The following TMEM98 variants were observed in gnomAD, a reference collection of about 807,000 sequenced individuals.
TMEM98 encodes the protein transmembrane protein 98.
TMEM98 carries 18 observed loss-of-function variants against 25.0 expected under a neutral mutation model. That is an observed-to-expected ratio of 0.72 (90% confidence interval 0.50 to 1.07). The LOEUF is 1.07. TMEM98 is among the 50% of genes least tolerant of loss of function. TMEM98 has a pLI of 0.00. For synonymous variants in TMEM98, 103 were observed against 112.4 expected (o/e 0.92, Z 0.53); for missense variants, 241 against 289.0 (o/e 0.83, Z 1.20).
chr17:32,942,299 T>G lies in TMEM98; in HGVS notation c.*1306T>G, dbSNP rs1374439925. 2 of 152,252 alleles carry G rather than the reference T, an allele frequency of 1.3e-5. No individual in the cohort carries two copies. The highest frequency in any genetic ancestry group is 4.8e-5 in the African/African-American group (2 of 41,476). The allele number at this position is 152,252 out of a possible 1,614,324, so 9.4% of individuals were successfully genotyped here. ...CTGTCATAAGCCTGTAGGAAAAGCTTGAATTCTTCACTTCTCAGATTCTCA... is the reference window on the plus strand; with the variant it reads ...CTGTCATAAGCCTGTAGGAAAAGCTGGAATTCTTCACTTCTCAGATTCTCA... On this transcript the variant is annotated 3_prime_UTR_variant, in exon 8 of 8. Coordinates refer to ENST00000579849, the MANE Select transcript of TMEM98 (RefSeq NM_015544.3).
intron 5 of TMEM98, 25 bp from the exon 6 acceptor site, chr17:32,936,307 A>G (rs1342063164): frequency 1.2e-6 from 2 of 1,602,638 alleles, no homozygotes; most frequent in Admixed American, 3.3e-5. Context: ...GTCAGCCCTC[A>G]TCTCTCTCCT....
chr17:32,940,752 A>G, intron 7 of TMEM98, 34 bp from the exon 8 acceptor site: 2 of 1,595,450 alleles, frequency 1.3e-6, no homozygotes, highest in Non-Finnish European at 8.5e-7. Flanking sequence ...CTCATTTCCT[A>G]GGAAACCTGA....
intron 5 of TMEM98, among the ~76,000 whole-genome samples, chr17:32,935,333 A>G (rs1199164955): frequency 6.6e-6 from 1 of 152,176 alleles, no homozygotes; most frequent in Non-Finnish European, 1.5e-5. Context: ...ATAATACTAT[A>G]CTACATTTCC....
chr17:32,934,222 C>G (rs779687814), intron 4 of TMEM98, 69 bp from the exon 5 acceptor site: 7 of 1,581,274 alleles, frequency 4.4e-6, no homozygotes, highest in Non-Finnish European at 6.1e-6. Context: ...AGTTGAGAAG[C>G]AAGGGTGGGA....
chr17:32,934,837 A>G (rs1030011584), intron 5 of TMEM98, among the ~76,000 whole-genome samples: 3 of 152,222 alleles, frequency 2.0e-5, no homozygotes, highest in African/African-American at 7.2e-5. Context: ...GCATACTTCA[A>G]TCTGAAGGCA....
chr17:32,943,134 G>C lies in TMEM98; in HGVS notation c.*2141G>C, dbSNP rs1006766089. On this transcript the variant is annotated 3_prime_UTR_variant, in exon 8 of 8. Coordinates refer to ENST00000579849, the MANE Select transcript of TMEM98 (RefSeq NM_015544.3). Reference sequence around the variant, plus strand: ...TGGCTTTCTGGATCCCTTAGATGCTGCCCTTTCTGTTGTGAGGAGAGGTTG... The same window carrying C: ...TGGCTTTCTGGATCCCTTAGATGCTCCCCTTTCTGTTGTGAGGAGAGGTTG... 1 of 152,354 alleles carries C rather than the reference G, an allele frequency of 6.6e-6. No individual in the cohort carries two copies. Among genetic ancestry groups the C allele is most frequent in the Non-Finnish European group, 1.5e-5 (1 of 68,178 alleles). The allele number at this position is 152,354 out of a possible 1,614,324, so 9.4% of individuals were successfully genotyped here.
At chr17:32,938,427 C>G (rs2091509468) in intron 6 of TMEM98, among the ~76,000 whole-genome samples, 4 of 152,164 alleles carry the variant, frequency 2.6e-5, no homozygotes, top group Admixed American at 2.6e-4. Context: ...TTGAGGCCAT[C>G]TTTTTTTCAA....
chr17:32,939,102 TAAAGATAG>T (rs1427744138), intron 6 of TMEM98, among the ~76,000 whole-genome samples: 1 of 151,982 alleles, frequency 6.6e-6, no homozygotes, highest in Non-Finnish European at 1.5e-5. Context: ...AGAACTGGAA[TAAAGATAG>T]AAAGGAAGGA....
chr17:32,940,946 G>A lies in TMEM98; in HGVS notation c.634G>A (p.Gly212Ser). 1.2e-6 allele frequency: 2 copies of A among 1,613,698 alleles called. No individual in the cohort carries two copies. The highest frequency in any genetic ancestry group is 2.2e-5 in the South Asian group (2 of 91,046). ...AGCCCTAGCTTCTGAGCCAGATAAA[G>A]GCCTCCCAGGCCCTGAAGGCTTCCT... is the stretch of plus-strand genomic sequence containing the variant. The part of the protein sequence containing the change: ...EAALASEPDK[G>S]LPGPEGFLQE... Residue 212 changes from glycine to serine, a missense_variant, in exon 8 of 8, where the codon GGC (glycine) becomes AGC (serine). Gly to Ser is a moderately conservative substitution (Grantham distance 56). Transcript: ENST00000579849.
chr17:32,938,753 C>T (rs964556697), intron 6 of TMEM98, among the ~76,000 whole-genome samples: 1 of 152,168 alleles, frequency 6.6e-6, no homozygotes, highest in Non-Finnish European at 1.5e-5. Flanking sequence ...TACTCCCTCC[C>T]AATTGTAGGA....
At chr17:32,936,246 C>G (rs762770047) in intron 5 of TMEM98, 86 bp from the exon 6 acceptor site, 53 of 1,070,666 alleles carry the variant, frequency 5.0e-5, no homozygotes, top group Non-Finnish European at 6.6e-5. Flanking sequence ...ATGGAACTCA[C>G]GGCAGGGCTG....
intron 7 of TMEM98, 134 bp downstream of exon 7, chr17:32,939,670 G>A: frequency 9.5e-7 from 1 of 1,049,708 alleles, no homozygotes; most frequent in Non-Finnish European, 1.4e-6. Flanking sequence ...CCCGGGCCAT[G>A]CGTGCCATTT....
chr17:32,936,054 A>G (rs1405887853), intron 5 of TMEM98, among the ~76,000 whole-genome samples: 2 of 152,182 alleles, frequency 1.3e-5, no homozygotes. Flanking sequence ...ATTGGAGCAC[A>G]TGATTTTTCT....
At position 32,942,169 on chromosome 17, in the gene TMEM98, T is replaced by C. The variant is rs1438123332; in HGVS notation, c.*1176T>C. The C allele has an allele frequency of 6.6e-6, 1 of 152,218 alleles. No individual in the cohort carries two copies. The highest frequency in any genetic ancestry group is 1.9e-4 in the East Asian group (1 of 5,204). The allele number at this position is 152,218 out of a possible 1,614,324, so 9.4% of individuals were successfully genotyped here. On this transcript the variant is annotated 3_prime_UTR_variant, in exon 8 of 8. Transcript: ENST00000579849. ...CTTGAACGATGTGTTCCCCCTTTCT[T>C]CTGATATTAATATCTGTTCATTTTG...
chr17:32,937,194 C>T (rs150989822), intron 6 of TMEM98, among the ~76,000 whole-genome samples: 10 of 152,228 alleles, frequency 6.6e-5, no homozygotes, highest in Admixed American at 4.6e-4. Context: ...TCCGCCCACC[C>T]GGGAGGGCAC....
At chr17:32,937,296 C>T (rs1382344475) in intron 6 of TMEM98, among the ~76,000 whole-genome samples, 1 of 152,162 alleles carries the variant, frequency 6.6e-6, no homozygotes, top group Non-Finnish European at 1.5e-5. Context: ...TCACGAGGAA[C>T]CAGCCCTTTC....
chr17:32,933,043 C>A, intron 3 of TMEM98, 131 bp from the exon 4 acceptor site: 1 of 1,338,848 alleles, frequency 7.5e-7, no homozygotes, highest in Non-Finnish European at 1.0e-6. Flanking sequence ...GGTTTGGATC[C>A]GGGACAAGTG....
chr17:32,928,465 G>A (rs928524286), intron 1 of TMEM98, among the ~76,000 whole-genome samples: 11 of 150,986 alleles, frequency 7.3e-5, no homozygotes, highest in Admixed American at 1.3e-4. Flanking sequence ...TCCCTCCCGG[G>A]GACAGAGTGG....
intron 1 of TMEM98, among the ~76,000 whole-genome samples, chr17:32,929,626 T>C (rs895518337): frequency 6.6e-6 from 1 of 150,914 alleles, no homozygotes; most frequent in Admixed American, 6.6e-5. Flanking sequence ...TCTCACAAAA[T>C]CAGCGACACA....
Sources: gnomAD v4.1 joint callset for allele counts (sites outside exome capture counted in the v4.1 genomes callset) on GRCh38, gnomAD v4.1.1 for gene constraint, MANE v1.5 for transcripts, NCBI Gene and HGNC (gene_info 2026-07-23, HGNC 2026-07-21) for gene names.